PHF2: variants seen among roughly 807,000 people sequenced by gnomAD.
PHF2 encodes PHD finger protein 2.
Under a neutral mutation model 120.5 loss-of-function variants are expected in PHF2, and 27 were observed. That is an observed-to-expected ratio of 0.22 (90% CI 0.17 to 0.31). The LOEUF (loss-of-function observed/expected upper bound fraction) is 0.31, where lower values mean the gene tolerates loss of function less well. PHF2 is among the 10% of genes least tolerant of loss of function. The pLI is 1.00. For synonymous variants in PHF2, 568 were observed against 592.5 expected (o/e 0.96, Z 0.60); for missense variants, 1,024 against 1,434.8 (o/e 0.71, Z 4.63).
In PHF2 at chr9:93,676,676, T is replaced by C. The variant is rs1444705648; in HGVS notation, c.2915T>C (p.Ile972Thr). Residue 972 changes from isoleucine to threonine, a missense_variant, in exon 21 of 22, where the codon ATC (isoleucine) becomes ACC (threonine). Coordinates refer to ENST00000359246, the MANE Select transcript of PHF2 (RefSeq NM_005392.4). The stretch of plus-strand genomic sequence containing the variant: ...ACCTCCCCTTCCACCTCCACCTCCA[T>C]CTCTGCCGGCACCACCTCCACCTCC... ...NTTSPSTSTS[I>T]SAGTTSTSTT... The C allele has an allele frequency of 6.3e-7, 1 of 1,580,068 alleles. No homozygotes were observed. Among genetic ancestry groups the C allele is most frequent in the Admixed American group, 1.8e-5 (1 of 54,460 alleles).
intron 4 of PHF2, among the ~76,000 whole-genome samples, chr9:93,647,774 A>C (rs1284539075): frequency 6.6e-6 from 1 of 152,158 alleles, no homozygotes; most frequent in Non-Finnish European, 1.5e-5. Context: ...CTGTAGTCCC[A>C]GCTCCTCGGG....
intron 1 of PHF2, 21 bp downstream of exon 1, chr9:93,576,892 C>T (rs1399380109): frequency 8.2e-6 from 9 of 1,100,970 alleles, no homozygotes; most frequent in Non-Finnish European, 1.0e-5. Flanking sequence ...GGCGGCTGCT[C>T]GGCTCGGCCC....
At chr9:93,660,907 G>A (rs1286675476) in intron 12 of PHF2, among the ~76,000 whole-genome samples, 1 of 152,196 alleles carries the variant, frequency 6.6e-6, no homozygotes, top group Non-Finnish European at 1.5e-5. Flanking sequence ...GCCACCTGGT[G>A]GAGGAGGCAT....
chr9:93,630,493 C>T (rs1230537679), intron 2 of PHF2, among the ~76,000 whole-genome samples: 2 of 152,220 alleles, frequency 1.3e-5, no homozygotes, highest in Non-Finnish European at 2.9e-5. Flanking sequence ...GGGCTCTGTC[C>T]TCCCCTCCTT....
intron 18 of PHF2, 150 bp downstream of exon 18, chr9:93,674,012 GA>G: frequency 1.1e-6 from 1 of 895,772 alleles, no homozygotes; most frequent in Non-Finnish European, 1.6e-6. Context: ...TGTCCCCGGA[GA>G]CCCTCCTGTG....
In PHF2 at chr9:93,653,970, C is replaced by T. The variant is rs575229563; in HGVS notation, c.790-443C>T. 2.7e-3 allele frequency among the ~76,000 whole-genome samples: 415 copies of T among 152,282 alleles called. 2 individuals carry two copies. The highest frequency in any genetic ancestry group is 3.2e-3 in the Non-Finnish European group (220 of 68,024). The stretch of plus-strand genomic sequence containing the variant: ...TCACTGGGGCATCCTCAGAACCTGC[C>T]TTGGCCCCATTGCAGTAAGACAGGG... On this transcript the variant is annotated intron_variant, in intron 6 of 21. Coordinates refer to ENST00000359246, the MANE Select transcript of PHF2 (RefSeq NM_005392.4).
chr9:93,592,810 G>C (rs776316999), intron 1 of PHF2, among the ~76,000 whole-genome samples: 1 of 152,096 alleles, frequency 6.6e-6, no homozygotes, highest in African/African-American at 2.4e-5. Flanking sequence ...GCACCAGTAC[G>C]TGGCCTTGCA....
chr9:93,643,430 C>T lies in PHF2; in HGVS notation c.300-2199C>T, dbSNP rs538876086. ...GTCTGTATGCCTCGAGCTTCCCACA[C>T]GGTTGCCTGTACACATTCTTTCTTC... is the stretch of plus-strand genomic sequence containing the variant. On this transcript the variant is annotated intron_variant, in intron 3 of 21. Coordinates refer to ENST00000359246, the MANE Select transcript of PHF2 (RefSeq NM_005392.4). 1.2e-4 allele frequency among the ~76,000 whole-genome samples: 19 copies of T among 152,312 alleles called. No individual in the cohort carries two copies. In the East Asian group the frequency reaches 2.3e-3, roughly 19 times the overall value.
At chr9:93,650,170 AAC>A (rs1166922773) in intron 5 of PHF2, among the ~76,000 whole-genome samples, 1 of 151,636 alleles carries the variant, frequency 6.6e-6, no homozygotes, top group Non-Finnish European at 1.5e-5. Context: ...CACACTCGCC[AAC>A]ACACCTGTGA....
At position 93,619,040 on chromosome 9, in the gene PHF2, C is replaced by T. The variant is rs1437603966; in HGVS notation, c.99-10930C>T. 5.3e-5 allele frequency among the ~76,000 whole-genome samples: 8 copies of T among 150,412 alleles called. No individual in the cohort carries two copies. In the South Asian group the frequency reaches 1.3e-3, roughly 24 times the overall value. On this transcript the variant is annotated intron_variant, in intron 1 of 21. Transcript: ENST00000359246. ...ACAGGCAGCTGCCTGTCCTTGCCCACCATGTGGTACACTGGGGGTCTGCAG... is the reference window on the plus strand; with the variant it reads ...ACAGGCAGCTGCCTGTCCTTGCCCATCATGTGGTACACTGGGGGTCTGCAG...
intron 1 of PHF2, among the ~76,000 whole-genome samples, chr9:93,592,644 T>C (rs981324722): frequency 5.3e-4 from 80 of 152,244 alleles, no homozygotes; most frequent in Admixed American, 1.5e-3. Context: ...GTCCGTCCTT[T>C]CTTCTCTTGG....
At chr9:93,612,947 C>G (rs1420696844) in intron 1 of PHF2, among the ~76,000 whole-genome samples, 1 of 152,216 alleles carries the variant, frequency 6.6e-6, no homozygotes, top group Non-Finnish European at 1.5e-5. Context: ...GCACCCTTCA[C>G]GTGGAGCGAT....
intron 1 of PHF2, among the ~76,000 whole-genome samples, chr9:93,629,539 A>T (rs1010576943): frequency 2.0e-5 from 3 of 152,158 alleles, no homozygotes; most frequent in Non-Finnish European, 2.9e-5. Flanking sequence ...ATGGGTGGCT[A>T]TGGTATGGCC....
chr9:93,619,643 C>A (rs1433958875), intron 1 of PHF2, among the ~76,000 whole-genome samples: 1 of 152,044 alleles, frequency 6.6e-6, no homozygotes, highest in Non-Finnish European at 1.5e-5. Context: ...CTTCCGGTAG[C>A]CCGTGCTCCA....
At chr9:93,585,808 C>T (rs1863031477) in intron 1 of PHF2, among the ~76,000 whole-genome samples, 1 of 152,310 alleles carries the variant, frequency 6.6e-6, no homozygotes, top group Non-Finnish European at 1.5e-5. Flanking sequence ...CCCATCAAGG[C>T]GTATTCTGTG....
At chr9:93,607,623 T>C (rs143797544) in intron 1 of PHF2, among the ~76,000 whole-genome samples, 2,506 of 141,342 alleles carry the variant, frequency 0.018, 47 homozygotes, top group Middle Eastern at 0.034. Flanking sequence ...GTAGATCAAA[T>C]TGGGAAGAAC....
chr9:93,655,921 GTC>G lies in PHF2; in HGVS notation c.953-6_953-5del. On this transcript the variant is annotated splice_polypyrimidine_tract_variant and intron_variant, in intron 7 of 21. Coordinates refer to ENST00000359246, the MANE Select transcript of PHF2 (RefSeq NM_005392.4). Reference sequence around the variant, plus strand: ...GCAAGGTGGGGCACCAGCCACTCCTGTCTCTCTCCCAGGCTGGATCTACGCCA... The same window carrying G: ...GCAAGGTGGGGCACCAGCCACTCCTGTCTCTCCCAGGCTGGATCTACGCCA... 2 of 1,606,434 alleles carry G rather than the reference GTC, an allele frequency of 1.2e-6. No homozygotes were observed. The highest frequency in any genetic ancestry group is 1.7e-6 in the Non-Finnish European group (2 of 1,175,574).
chr9:93,588,214 TG>T (rs1863097077), intron 1 of PHF2, among the ~76,000 whole-genome samples: 1 of 152,216 alleles, frequency 6.6e-6, no homozygotes. Context: ...TGTCCTGCAC[TG>T]TGTGGCCCTA....
chr9:93,655,840 C>T, intron 7 of PHF2, 94 bp from the exon 8 acceptor site: 1 of 876,064 alleles, frequency 1.1e-6, no homozygotes, highest in Non-Finnish European at 1.8e-6. Flanking sequence ...CGGGAAAGGC[C>T]TGTGCTGGTC....
Sources: allele counts gnomAD v4.1 joint callset (sites outside exome capture counted in the v4.1 genomes callset), GRCh38; gene constraint gnomAD v4.1.1; transcripts MANE v1.5; gene names NCBI Gene and HGNC (gene_info 2026-07-23, HGNC 2026-07-21).